SH3YL1: variants seen among roughly 807,000 people sequenced by gnomAD.
SH3YL1 encodes SH3 and SYLF domain containing 1.
SH3YL1 carries 41 observed loss-of-function variants against 45.8 expected under a neutral mutation model. The observed-to-expected ratio is 0.89, with a 90% CI of 0.70 to 1.16. The LOEUF (loss-of-function observed/expected upper bound fraction) is 1.16. Ranked by LOEUF, SH3YL1 falls within the 50% of genes most tolerant of loss-of-function variation. The probability of loss-of-function intolerance (pLI) is 0.00; values close to 1 mark genes in which losing one functional copy is unlikely to be tolerated. For missense variants in SH3YL1, 389 were observed against 409.6 expected (o/e 0.95, Z 0.43); for synonymous variants, 152 against 151.4 (o/e 1.00, Z -0.03).
intron 8 of SH3YL1, among the ~76,000 whole-genome samples, chr2:229,564 C>T (rs2103023643): frequency 6.6e-6 from 1 of 151,556 alleles, no homozygotes; most frequent in Admixed American, 6.6e-5. Context: ...CCCGTCTCTA[C>T]TAAAAATACA....
intron 4 of SH3YL1, among the ~76,000 whole-genome samples, chr2:235,401 ATGGGCC>A: frequency 7.2e-6 from 1 of 138,468 alleles, no homozygotes; most frequent in Non-Finnish European, 1.6e-5. Context: ...GGGAGGCAGC[ATGGGCC>A]AGGGGAGGCA....
rs546645961 is a variant in SH3YL1, at chr2:262,992, T to C, written c.1+992A>G. Among the ~76,000 whole-genome samples, 5 of 152,298 alleles carry C rather than the reference T, an allele frequency of 3.3e-5. No homozygotes were observed. In the South Asian group the frequency reaches 1.0e-3, roughly 32 times the overall value. Reference sequence around the variant, plus strand: ...ACTTTGATCATTTTAACCTCCAACATAGTAATTTGTAAACATCAGTCGCTG... The same window carrying C: ...ACTTTGATCATTTTAACCTCCAACACAGTAATTTGTAAACATCAGTCGCTG... On this transcript the variant is annotated intron_variant, in intron 1 of 9. Transcript: ENST00000356150.
rs756613424 is a variant in SH3YL1 at position 262,641 on chromosome 2, G to A, written c.1+1343C>T. ...CATGACGCCACTCACTGGCAAACAA[G>A]CTGGCGTGCACAGGGACTTGTGAGG... On this transcript the variant is annotated intron_variant, in intron 1 of 9. Transcript: ENST00000356150. The A allele has an allele frequency of 1.7e-5, 22 of 1,304,282 alleles. No individual in the cohort carries two copies. The East Asian group carries it at 4.4e-4, about 26-fold the overall frequency. The allele number at this position is 1,304,282 out of a possible 1,614,324, so 80.8% of individuals were successfully genotyped here.
Position 231,196 on chromosome 2 carries a change from T to A in SH3YL1, c.534-5A>T. On this transcript the variant is annotated splice_region_variant and splice_polypyrimidine_tract_variant and intron_variant, in intron 6 of 9. Transcript: ENST00000356150. Reference sequence around the variant, plus strand: ...CGGATATCTTGACAATAAAATCTAATGGGAAATATAAAATTAAAAACATTT... The same window carrying A: ...CGGATATCTTGACAATAAAATCTAAAGGGAAATATAAAATTAAAAACATTT... The A allele has an allele frequency of 6.3e-7, 1 of 1,590,234 alleles. No individual in the cohort carries two copies. Among genetic ancestry groups the A allele is most frequent in the South Asian group, 1.1e-5 (1 of 88,010 alleles).
chr2:225,814 C>T (rs868439627), intron 8 of SH3YL1, among the ~76,000 whole-genome samples: 1 of 152,110 alleles, frequency 6.6e-6, no homozygotes, highest in South Asian at 2.1e-4. Context: ...TCTCAAAGTA[C>T]TTGGGAACAA....
intron 9 of SH3YL1, among the ~76,000 whole-genome samples, chr2:219,438 A>AG (rs1419970585): frequency 6.6e-6 from 1 of 152,056 alleles, no homozygotes; most frequent in African/African-American, 2.4e-5. Context: ...ACAGAGCCTG[A>AG]GGGGAGCTTC....
chr2:225,795 A>T (rs1436363364), intron 8 of SH3YL1, among the ~76,000 whole-genome samples: 1 of 152,242 alleles, frequency 6.6e-6, no homozygotes. Flanking sequence ...TCACCTTAGC[A>T]GATCAAAATC....
chr2:247,399 G>A (rs1037052514), intron 4 of SH3YL1, 139 bp downstream of exon 4: 75 of 595,352 alleles, frequency 1.3e-4, no homozygotes, highest in African/African-American at 1.1e-3. Flanking sequence ...GACATTCATC[G>A]AGAAAATAAA....
intron 3 of SH3YL1, among the ~76,000 whole-genome samples, chr2:248,836 C>A (rs1415210388): frequency 6.6e-6 from 1 of 152,134 alleles, no homozygotes; most frequent in Non-Finnish European, 1.5e-5. Flanking sequence ...GAATTATTTT[C>A]TTCTCATTTT....
rs1332026488 is a variant in SH3YL1 at position 249,858 on chromosome 2, A to G, written c.113-14T>C. 2.0e-6 allele frequency: 3 copies of G among 1,514,480 alleles called. No individual in the cohort carries two copies. Among genetic ancestry groups the G allele is most frequent in the Admixed American group, 3.9e-5 (2 of 50,958 alleles). The allele number at this position is 1,514,480 out of a possible 1,614,324, so 93.8% of individuals were successfully genotyped here. ...CAATTACGTGAGCTGTTAACGTGGA[A>G]AACAATGGGAAGGTAAGCATTTTGA... On this transcript the variant is annotated splice_polypyrimidine_tract_variant and intron_variant, in intron 2 of 9. Transcript: ENST00000356150.
At chr2:236,624 C>T (rs1421102886) in intron 4 of SH3YL1, among the ~76,000 whole-genome samples, 1 of 152,138 alleles carries the variant, frequency 6.6e-6, no homozygotes, top group Non-Finnish European at 1.5e-5. Context: ...AATAGTGGCA[C>T]ACATTCAAGG....
chr2:255,042 A>G (rs1424384197), intron 1 of SH3YL1, among the ~76,000 whole-genome samples: 1 of 152,206 alleles, frequency 6.6e-6, no homozygotes, highest in Non-Finnish European at 1.5e-5. Flanking sequence ...AAAATTTATA[A>G]AACCAAACTA....
rs73911039 is a variant in SH3YL1, at chr2:223,783, A to C, written c.838+1081T>G. 2.7e-3 allele frequency among the ~76,000 whole-genome samples: 407 copies of C among 152,302 alleles called. 2 individuals carry two copies. The highest frequency in any genetic ancestry group is 9.3e-3 in the African/African-American group (386 of 41,554). ...AAGACCATGGCACAGCATCTTCTGTAGGTGAGCCCCCGACCATCGCACCTG... is the reference window on the plus strand; with the variant it reads ...AAGACCATGGCACAGCATCTTCTGTCGGTGAGCCCCCGACCATCGCACCTG... On this transcript the variant is annotated intron_variant, in intron 9 of 9. Transcript: ENST00000356150.
At chr2:235,107 C>A (rs904678537) in intron 4 of SH3YL1, among the ~76,000 whole-genome samples, 1 of 152,168 alleles carries the variant, frequency 6.6e-6, no homozygotes, top group African/African-American at 2.4e-5. Context: ...GAACTCCTGA[C>A]CTCAGGTGAT....
intron 4 of SH3YL1, among the ~76,000 whole-genome samples, chr2:236,778 A>G (rs1195592202): frequency 1.3e-5 from 2 of 152,354 alleles, no homozygotes; most frequent in South Asian, 2.1e-4. Context: ...TATGAGTGAC[A>G]GAAAAATCCT....
rs1669189769 is a variant in SH3YL1 at position 253,871 on chromosome 2, A to G, written c.2-756T>C. On this transcript the variant is annotated intron_variant, in intron 1 of 9. Transcript: ENST00000356150. ...ACAGCATAGCCTATCAAAGGAAATG[A>G]CTGGAAATCCTCATTGACAGTATCA... Among the ~76,000 whole-genome samples, 4 of 152,152 alleles carry G rather than the reference A, an allele frequency of 2.6e-5. No individual in the cohort carries two copies. The South Asian group carries it at 8.3e-4, about 31-fold the overall frequency.
chr2:259,195 CAT>C (rs1669484226), intron 1 of SH3YL1, among the ~76,000 whole-genome samples: 1 of 152,168 alleles, frequency 6.6e-6, no homozygotes, highest in African/African-American at 2.4e-5. Flanking sequence ...AGCTGTTTAC[CAT>C]GTGTGAGTAG....
chr2:263,372 C>T (rs1051653567), intron 1 of SH3YL1: 1 of 154,626 alleles, frequency 6.5e-6, no homozygotes, highest in African/African-American at 2.4e-5. Context: ...TTCCACACTT[C>T]CTTAAAGAAG....
intron 4 of SH3YL1, chr2:241,437 G>A (rs1192651941): frequency 1.3e-5 from 2 of 152,062 alleles, no homozygotes; most frequent in African/African-American, 4.8e-5. Flanking sequence ...ACATATGTGT[G>A]ATGTAAGTAC....
Sources: allele counts gnomAD v4.1 joint callset (sites outside exome capture counted in the v4.1 genomes callset), GRCh38; gene constraint gnomAD v4.1.1; transcripts MANE v1.5; gene names NCBI Gene and HGNC (gene_info 2026-07-23, HGNC 2026-07-21).